The following PPARGC1A variants were observed in gnomAD, a reference collection of about 807,000 sequenced individuals.
PPARGC1A encodes PPARG coactivator 1 alpha.
In PPARGC1A, 25 loss-of-function variants were observed where a neutral mutation model predicts 88.7. The observed-to-expected ratio is 0.28, with a 90% CI of 0.21 to 0.39. The LOEUF (loss-of-function observed/expected upper bound fraction) is 0.39, where lower values mean the gene tolerates loss of function less well. Among genes scored for constraint, PPARGC1A ranks in the 10% least tolerant of loss-of-function variants. The pLI, the probability that PPARGC1A is intolerant of heterozygous loss-of-function variation, is 1.00. For synonymous variants in PPARGC1A, 363 were observed against 355.6 expected (o/e 1.02, Z -0.24); for missense variants, 880 against 968.7 (o/e 0.91, Z 1.22).
the PPARGC1A span, among the ~76,000 whole-genome samples, chr4:24,256,353 T>C: frequency 1.3e-5 from 2 of 152,224 alleles, no homozygotes; most frequent in Non-Finnish European, 2.9e-5. Flanking sequence ...TCATGATTTC[T>C]GCTAACTATG....
the PPARGC1A span, among the ~76,000 whole-genome samples, chr4:24,447,248 T>C: frequency 6.6e-6 from 1 of 152,204 alleles, no homozygotes; most frequent in Non-Finnish European, 1.5e-5. Context: ...ACTTCCATCA[T>C]TGCCCTGCCC....
At chr4:24,269,543 CTCAG>C in the PPARGC1A span, among the ~76,000 whole-genome samples, 21 of 152,280 alleles carry the variant, frequency 1.4e-4, no homozygotes, top group South Asian at 4.1e-4. Context: ...CTCTCCACAT[CTCAG>C]TCACTTTATT....
intron 2 of PPARGC1A, among the ~76,000 whole-genome samples, chr4:23,849,564 A>T (rs2148658111): frequency 6.6e-6 from 1 of 152,354 alleles, no homozygotes; most frequent in Admixed American, 6.5e-5. Context: ...ATACAGATGA[A>T]AAAGAAAAGT....
rs1263225835 is a variant in PPARGC1A at position 23,814,454 on chromosome 4, G to C, written c.1029C>G (p.Asn343Lys). Residue 343 changes from asparagine to lysine, a missense_variant, in exon 8 of 13, where the codon AAC becomes AAG. Transcript: ENST00000264867. ...YSESSGTQGN[N>K]STKKGPEQSE... ...ATTGCTCCGGCCCTTTCTTGGTGGA[G>C]TTATTGCCTTGTGTACCAGAAGACT... 3 of 1,613,658 alleles carry C rather than the reference G, an allele frequency of 1.9e-6. No individual in the cohort carries two copies. The Admixed American group carries it at 5.0e-5, about 27-fold the overall frequency.
At chr4:23,934,295 C>T in the PPARGC1A span, among the ~76,000 whole-genome samples, 5 of 152,184 alleles carry the variant, frequency 3.3e-5, no homozygotes, top group African/African-American at 9.7e-5. Flanking sequence ...ATGTAGAGAG[C>T]TGTGGTAACA....
chr4:24,140,745 A>C, the PPARGC1A span, among the ~76,000 whole-genome samples: 1 of 152,190 alleles, frequency 6.6e-6, no homozygotes, highest in Non-Finnish European at 1.5e-5. Context: ...CTAGTTCCTC[A>C]TGAACATGCT....
chr4:23,885,500 C>T (rs1716716359), intron 1 of PPARGC1A, among the ~76,000 whole-genome samples: 1 of 152,168 alleles, frequency 6.6e-6, no homozygotes, highest in Non-Finnish European at 1.5e-5. Context: ...CTGTGGTTCT[C>T]CTGAATTGTT....
the PPARGC1A span, among the ~76,000 whole-genome samples, chr4:24,100,226 G>A: frequency 2.0e-5 from 3 of 152,004 alleles, no homozygotes; most frequent in Admixed American, 6.6e-5. Context: ...AATGGGCTAC[G>A]GACACTTACC....
the PPARGC1A span, among the ~76,000 whole-genome samples, chr4:24,165,286 A>G: frequency 1.3e-5 from 2 of 152,170 alleles, no homozygotes; most frequent in African/African-American, 4.8e-5. Context: ...TGAAATTAAA[A>G]TTGTGACAAG....
chr4:24,233,511 A>T, the PPARGC1A span, among the ~76,000 whole-genome samples: 2 of 152,108 alleles, frequency 1.3e-5, no homozygotes, highest in East Asian at 3.9e-4. Flanking sequence ...CATTCTACAC[A>T]TACCAGACTC....
At chr4:24,264,458 G>A in the PPARGC1A span, among the ~76,000 whole-genome samples, 1 of 152,246 alleles carries the variant, frequency 6.6e-6, no homozygotes. Context: ...TGCATTTGCT[G>A]TGCTGAAGGG....
the PPARGC1A span, among the ~76,000 whole-genome samples, chr4:24,240,556 A>T: frequency 6.6e-6 from 1 of 152,216 alleles, no homozygotes; most frequent in Non-Finnish European, 1.5e-5. Flanking sequence ...TCACGCTGTT[A>T]ATTAAAATAA....
intron 7 of PPARGC1A, among the ~76,000 whole-genome samples, chr4:23,815,413 G>A (rs551798544): frequency 1.3e-5 from 2 of 152,240 alleles, no homozygotes; most frequent in East Asian, 1.9e-4. Context: ...CACAGTGCCA[G>A]CCGACCATTT....
chr4:24,157,367 G>T, the PPARGC1A span, among the ~76,000 whole-genome samples: 1 of 152,074 alleles, frequency 6.6e-6, no homozygotes, highest in Non-Finnish European at 1.5e-5. Context: ...GCCTCTGGGG[G>T]ACTCCTTCAG....
At chr4:24,158,192 C>T in the PPARGC1A span, among the ~76,000 whole-genome samples, 561 of 152,240 alleles carry the variant, frequency 3.7e-3, 3 homozygotes, top group African/African-American at 0.013. Context: ...CCTCCCCTCC[C>T]ATCATTCAGG....
the PPARGC1A span, among the ~76,000 whole-genome samples, chr4:24,069,826 G>C: frequency 6.1e-3 from 927 of 152,276 alleles, 27 homozygotes; most frequent in East Asian, 0.11. Context: ...CAAACACTCT[G>C]TACTGACAAT....
At chr4:24,288,107 T>G in the PPARGC1A span, among the ~76,000 whole-genome samples, 1 of 152,140 alleles carries the variant, frequency 6.6e-6, no homozygotes, top group African/African-American at 2.4e-5. Flanking sequence ...TCTTCAAGCT[T>G]TCAACCCATT....
chr4:24,410,868 A>C, the PPARGC1A span, among the ~76,000 whole-genome samples: 2 of 152,172 alleles, frequency 1.3e-5, no homozygotes, highest in Non-Finnish European at 2.9e-5. Context: ...TGAAGGCTGC[A>C]CTGTCGGCTT....
chr4:24,127,433 T>C, the PPARGC1A span, among the ~76,000 whole-genome samples: 1 of 152,042 alleles, frequency 6.6e-6, no homozygotes, highest in African/African-American at 2.4e-5. Flanking sequence ...TTTAGAAATA[T>C]GTTTATCTGG....
Sources: allele counts gnomAD v4.1 joint callset (sites outside exome capture counted in the v4.1 genomes callset), GRCh38; gene constraint gnomAD v4.1.1; transcripts MANE v1.5; gene names NCBI Gene and HGNC (gene_info 2026-07-23, HGNC 2026-07-21).